The following AKR1B1 variants were observed in gnomAD, a reference collection of about 807,000 sequenced individuals.
AKR1B1 encodes the protein aldo-keto reductase family 1 member B.
AKR1B1 carries 22 observed loss-of-function variants against 40.4 expected under a neutral mutation model. The observed-to-expected ratio is 0.54, with a 90% CI of 0.39 to 0.78. The LOEUF is 0.78. Among genes scored for constraint, AKR1B1 ranks in the 30% least tolerant of loss-of-function variants. AKR1B1 has a pLI of 0.00. For synonymous variants in AKR1B1, 157 were observed against 149.9 expected (o/e 1.05, Z -0.35); for missense variants, 357 against 396.7 (o/e 0.90, Z 0.85).
chr7:134,445,691 T>C (rs983964026), intron 8 of AKR1B1, among the ~76,000 whole-genome samples: 3 of 152,164 alleles, frequency 2.0e-5, no homozygotes, highest in African/African-American at 7.2e-5. Flanking sequence ...ACAACTGTAA[T>C]ACAAATAACT....
chr7:134,445,838 C>T (rs181522311), intron 8 of AKR1B1, among the ~76,000 whole-genome samples: 1 of 152,322 alleles, frequency 6.6e-6, no homozygotes, highest in East Asian at 1.9e-4. Flanking sequence ...AAGATTTTGA[C>T]AGAGAGGGCA....
At chr7:134,455,605 T>G (rs529930244) in intron 1 of AKR1B1, among the ~76,000 whole-genome samples, 2 of 151,380 alleles carry the variant, frequency 1.3e-5, no homozygotes, top group South Asian at 2.1e-4. Context: ...TGAGACCGAG[T>G]TTTTTTTTGC....
chr7:134,446,139 C>A (rs552302085), intron 8 of AKR1B1, among the ~76,000 whole-genome samples: 4 of 152,338 alleles, frequency 2.6e-5, no homozygotes, highest in African/African-American at 9.6e-5. Context: ...TGAGATTAGT[C>A]ATTTATTTTT....
In AKR1B1 at chr7:134,454,669, C is replaced by A. The variant is rs971673369; in HGVS notation, c.67-2916G>T. Among the ~76,000 whole-genome samples, 11 of 152,102 alleles carry A rather than the reference C, an allele frequency of 7.2e-5. 1 individual carries two copies. Among genetic ancestry groups the A allele is most frequent in the African/African-American group, 2.7e-4 (11 of 41,420 alleles). ...GGGAACTCTTCATTTTTGAAATGTT[C>A]TCTAGTTAGCAGGTGTTACTACTGA... On this transcript the variant is annotated intron_variant, in intron 1 of 9. Coordinates refer to ENST00000285930, the MANE Select transcript of AKR1B1 (RefSeq NM_001628.4).
rs140128008 is a variant in AKR1B1 at position 134,443,546 on chromosome 7, G to A, written c.909-776C>T. 1.6e-4 allele frequency among the ~76,000 whole-genome samples: 25 copies of A among 152,148 alleles called. No homozygotes were observed. In the East Asian group the frequency reaches 2.5e-3, roughly 15 times the overall value. On this transcript the variant is annotated intron_variant, in intron 9 of 9. Transcript: ENST00000285930. ...GCTGAAGTGAGCCCAATCAACGGTC[G>A]GCGATTTTATATTGGAAACAGGGCA...
chr7:134,444,042 C>T (rs1221336083), intron 9 of AKR1B1, among the ~76,000 whole-genome samples: 6 of 152,100 alleles, frequency 3.9e-5, no homozygotes, highest in Admixed American at 6.5e-5. Flanking sequence ...TTTCCTCAGC[C>T]CTGAAAGCTT....
At chr7:134,453,657 T>C (rs760727851) in intron 1 of AKR1B1, among the ~76,000 whole-genome samples, 7 of 152,110 alleles carry the variant, frequency 4.6e-5, no homozygotes, top group Non-Finnish European at 7.4e-5. Flanking sequence ...GAGGTTTTTC[T>C]AGAAAAGTAA....
At chr7:134,457,457 T>C (rs547306976) in intron 1 of AKR1B1, among the ~76,000 whole-genome samples, 4 of 152,328 alleles carry the variant, frequency 2.6e-5, no homozygotes, top group East Asian at 3.9e-4. Flanking sequence ...ATTACAACCT[T>C]AGAGACACCA....
rs183614720 is a variant in AKR1B1, at chr7:134,450,770, A to C, written c.351+16T>G. 6.2e-7 allele frequency: 1 copy of C among 1,606,842 alleles called. No individual in the cohort carries two copies. The highest frequency in any genetic ancestry group is 2.2e-5 in the East Asian group (1 of 44,862). ...CTGAGCCCCAAGGGACCTGGTCTGC[A>C]CCAGGCATCCCATACCTTAAAGCCA... On this transcript the variant is annotated intron_variant, in intron 3 of 9. Transcript: ENST00000285930.
chr7:134,447,355 C>T lies in AKR1B1; in HGVS notation c.768G>A (p.Arg256=), dbSNP rs1447661059. ...CAGACTTGGGGATCACCACCAAGTT[C>T]CTCTGCATGGGGAACCGGATCAGGA... ...AQVLIRFPMQ[R]NLVVIPKSVT... The change falls in exon 8 of 10, where the codon AGG becomes AGA. Residue 256 remains arginine (R), a synonymous_variant. Coordinates refer to ENST00000285930, the MANE Select transcript of AKR1B1 (RefSeq NM_001628.4). 2 of 1,614,020 alleles carry T rather than the reference C, an allele frequency of 1.2e-6. No individual in the cohort carries two copies. The highest frequency in any genetic ancestry group is 2.7e-5 in the African/African-American group (2 of 74,930).
Position 134,449,813 on chromosome 7 carries a change from A to AAAAC in AKR1B1, c.352-20_352-17dup. On this transcript the variant is annotated splice_polypyrimidine_tract_variant and intron_variant, in intron 3 of 9. Coordinates refer to ENST00000285930, the MANE Select transcript of AKR1B1 (RefSeq NM_001628.4). ...CCTTCCCAGGCTGTCATTACAATAA[A>AAAAC]AAACAAACAAACAAAACAATCAGTA... 1 of 1,608,244 alleles carries AAAAC rather than the reference A, an allele frequency of 6.2e-7. No individual in the cohort carries two copies. The highest frequency in any genetic ancestry group is 8.5e-7 in the Non-Finnish European group (1 of 1,174,740).
In AKR1B1 at chr7:134,452,195, G is replaced by C. The variant is rs534801060; in HGVS notation, c.67-442C>G. Among the ~76,000 whole-genome samples the C allele has an allele frequency of 3.5e-4, 54 of 152,306 alleles. No homozygotes were observed. The South Asian group carries it at 0.011, about 30-fold the overall frequency. Reference sequence around the variant, plus strand: ...CCCATGTGGCTCCCCAGTTCAGCCAGTGAATGCCTGCCCCTTACGCTCTCT... The same window carrying C: ...CCCATGTGGCTCCCCAGTTCAGCCACTGAATGCCTGCCCCTTACGCTCTCT... On this transcript the variant is annotated intron_variant, in intron 1 of 9. Transcript: ENST00000285930.
chr7:134,447,730 A>C, intron 7 of AKR1B1: 2 of 622,514 alleles, frequency 3.2e-6, no homozygotes, highest in Non-Finnish European at 5.8e-6. Flanking sequence ...GAGGTTCCAC[A>C]TGAATGAACA....
chr7:134,455,719 G>A (rs1382031396), intron 1 of AKR1B1, among the ~76,000 whole-genome samples: 1 of 151,602 alleles, frequency 6.6e-6, no homozygotes, highest in African/African-American at 2.4e-5. Context: ...AAGCAGCTGG[G>A]ATTACAGGCA....
intron 9 of AKR1B1, among the ~76,000 whole-genome samples, chr7:134,443,210 G>A (rs921301323): frequency 3.9e-5 from 6 of 152,168 alleles, no homozygotes; most frequent in African/African-American, 7.2e-5. Flanking sequence ...AGGGGTTTGC[G>A]ACTAGCCTGG....
intron 5 of AKR1B1, 117 bp from the exon 6 acceptor site, chr7:134,448,610 A>T (rs1562907138): frequency 6.4e-6 from 5 of 786,346 alleles, no homozygotes; most frequent in Non-Finnish European, 1.1e-5. Flanking sequence ...TATGTATAAC[A>T]AACACCCTAT....
chr7:134,453,116 A>C (rs1329910079), intron 1 of AKR1B1, among the ~76,000 whole-genome samples: 2 of 152,072 alleles, frequency 1.3e-5, no homozygotes, highest in East Asian at 3.9e-4. Flanking sequence ...CAGCAGGGAG[A>C]GCAGAGGACA....
At chr7:134,450,049 G>T (rs1220315458) in intron 3 of AKR1B1, among the ~76,000 whole-genome samples, 1 of 152,234 alleles carries the variant, frequency 6.6e-6, no homozygotes, top group African/African-American at 2.4e-5. Context: ...ACTGCAATGT[G>T]TGGATACAGG....
chr7:134,450,610 C>T (rs191854718), intron 3 of AKR1B1, among the ~76,000 whole-genome samples, 176 bp downstream of exon 3: 81 of 152,186 alleles, frequency 5.3e-4, no homozygotes, highest in Non-Finnish European at 1.1e-3. Context: ...GCGTGGGGCC[C>T]GAGACTGTGA....
Sources: gnomAD v4.1 joint callset for allele counts (sites outside exome capture counted in the v4.1 genomes callset) on GRCh38, gnomAD v4.1.1 for gene constraint, MANE v1.5 for transcripts, NCBI Gene and HGNC (gene_info 2026-07-23, HGNC 2026-07-21) for gene names.